PDGFRL: variants seen among roughly 807,000 people sequenced by gnomAD.
PDGFRL encodes platelet derived growth factor receptor like, also known as platelet-derived growth factor receptor-like protein.
Under a neutral mutation model 37.2 loss-of-function variants are expected in PDGFRL, and 46 were observed. That is an observed-to-expected ratio of 1.24 (90% confidence interval 0.98 to 1.58). The LOEUF is 1.58. Ranked by LOEUF, PDGFRL falls within the 40% of genes most tolerant of loss-of-function variation. PDGFRL has a pLI of 0.00. For missense variants in PDGFRL, 692 were observed against 467.6 expected, an observed-to-expected ratio of 1.48 and a Z score of -4.43; for synonymous variants, 251 against 184.3, an observed-to-expected ratio of 1.36 and a Z score of -2.93.
At chr8:17,625,689 T>C (rs1271469189) in intron 3 of PDGFRL, among the ~76,000 whole-genome samples, 1 of 152,166 alleles carries the variant, frequency 6.6e-6, no homozygotes, top group South Asian at 2.1e-4. Flanking sequence ...AAAGTATATA[T>C]TATAGTATAA....
At chr8:17,586,149 T>TTA (rs112947393) in intron 1 of PDGFRL, among the ~76,000 whole-genome samples, 33,557 of 152,092 alleles carry the variant, frequency 0.22, 4,063 homozygotes, top group Non-Finnish European at 0.26. Context: ...AGATGAGGTT[T>TTA]TACTATGTTG....
Position 17,599,833 on chromosome 8 carries a change from G to A in PDGFRL, c.353+10068G>A, listed in dbSNP as rs1321305859. 5.9e-5 allele frequency among the ~76,000 whole-genome samples: 9 copies of A among 152,164 alleles called. No homozygotes were observed. The South Asian group carries it at 6.2e-4, about 11-fold the overall frequency. Reference sequence around the variant, plus strand: ...CCTCCTTCCCTGATCTACCAGTGACGGGAAGAAGGATGAGGATTTTCCCTC... The same window carrying A: ...CCTCCTTCCCTGATCTACCAGTGACAGGAAGAAGGATGAGGATTTTCCCTC... On this transcript the variant is annotated intron_variant, in intron 2 of 5. Transcript: ENST00000251630.
intron 2 of PDGFRL, among the ~76,000 whole-genome samples, chr8:17,611,227 C>T (rs1804405443): frequency 6.6e-6 from 1 of 152,184 alleles, no homozygotes; most frequent in African/African-American, 2.4e-5. Context: ...AGGTCCCTCT[C>T]AGTTCTGAAA....
chr8:17,619,952 T>C (rs977795173), intron 2 of PDGFRL, among the ~76,000 whole-genome samples: 7 of 152,182 alleles, frequency 4.6e-5, no homozygotes, highest in Non-Finnish European at 8.8e-5. Flanking sequence ...CACACACCCA[T>C]TTATCAGAAA....
Position 17,589,731 on chromosome 8 carries a change from G to C in PDGFRL, c.319G>C (p.Ala107Pro), listed in dbSNP as rs1803893971. Residue 107 changes from alanine (A) to proline (P), a missense_variant, in exon 2 of 6, where the codon GCG (alanine) becomes CCG (proline). Ala to Pro is a conservative substitution (Grantham distance 27). Coordinates refer to ENST00000251630, the MANE Select transcript of PDGFRL (RefSeq NM_001372073.1). ...GAGTAGAATTGGGTGGAGCTACCCT[G>C]CGTATCTGGACACCTTTAAGGATTC... ...KGSRIGWSYP[A>P]YLDTFKDSRL... The C allele has an allele frequency of 1.2e-6, 2 of 1,612,520 alleles. No homozygotes were observed. Among genetic ancestry groups the C allele is most frequent in the South Asian group, 1.1e-5 (1 of 91,008 alleles).
At chr8:17,601,178 T>C (rs1190191163) in intron 2 of PDGFRL, among the ~76,000 whole-genome samples, 1 of 152,202 alleles carries the variant, frequency 6.6e-6, no homozygotes, top group East Asian at 1.9e-4. Context: ...TCTTGAATTG[T>C]CCCACTTCTT....
Position 17,634,002 on chromosome 8 carries a change from G to T in PDGFRL, c.800-72G>T, listed in dbSNP as rs570041581. 3 of 1,411,894 alleles carry T rather than the reference G, an allele frequency of 2.1e-6. No individual in the cohort carries two copies. The African/African-American group carries it at 4.2e-5, about 20-fold the overall frequency. The allele number at this position is 1,411,894 out of a possible 1,614,324, so 87.5% of individuals were successfully genotyped here. On this transcript the variant is annotated intron_variant, in intron 4 of 5. Transcript: ENST00000251630. ...AAATTCCATCTCTCTCCATGGAAAA[G>T]AATGCATCTGTAGGTTTGTTTTCAA...
chr8:17,596,445 A>G (rs1461313487), intron 2 of PDGFRL: 2 of 491,116 alleles, frequency 4.1e-6, no homozygotes, highest in Non-Finnish European at 6.4e-6. Flanking sequence ...TTATAAAAAA[A>G]CAGAATTGAT....
chr8:17,634,973 GT>G (rs553160161), intron 5 of PDGFRL, among the ~76,000 whole-genome samples: 6,403 of 117,230 alleles, frequency 0.055, 313 homozygotes, highest in African/African-American at 0.22. Context: ...AAAATAAAAG[GT>G]TTTTTTTTAA....
At chr8:17,594,164 T>C (rs1585304979) in intron 2 of PDGFRL, among the ~76,000 whole-genome samples, 1 of 152,244 alleles carries the variant, frequency 6.6e-6, no homozygotes, top group Non-Finnish European at 1.5e-5. Flanking sequence ...CATGATGTCC[T>C]CAAAGTTCTT....
At chr8:17,635,887 C>T (rs538612805) in intron 5 of PDGFRL, among the ~76,000 whole-genome samples, 13 of 152,148 alleles carry the variant, frequency 8.5e-5, no homozygotes, top group East Asian at 1.9e-4. Flanking sequence ...ATGTTGAGTA[C>T]GTTTTCATAT....
chr8:17,607,030 G>A (rs2129691130), intron 2 of PDGFRL, among the ~76,000 whole-genome samples: 1 of 151,796 alleles, frequency 6.6e-6, no homozygotes, highest in African/African-American at 2.4e-5. Context: ...TGAGTAGCTG[G>A]GATTACAGGT....
At chr8:17,584,756 T>C (rs80045035) in intron 1 of PDGFRL, among the ~76,000 whole-genome samples, 5,421 of 151,424 alleles carry the variant, frequency 0.036, 137 homozygotes, top group Middle Eastern at 0.072. Context: ...ACAGTGGTAG[T>C]GTTACCGGAA....
At chr8:17,638,779 ATATATAT>A (rs1563532538) in intron 5 of PDGFRL, among the ~76,000 whole-genome samples, 42 of 98,074 alleles carry the variant, frequency 4.3e-4, no homozygotes, top group South Asian at 1.7e-3. Context: ...ATATATATAT[ATATATAT>A]AATTGTGATA....
intron 2 of PDGFRL, among the ~76,000 whole-genome samples, chr8:17,593,949 A>G (rs1314945066): frequency 1.3e-5 from 2 of 152,062 alleles, no homozygotes; most frequent in African/African-American, 2.4e-5. Flanking sequence ...TGTTAACTAT[A>G]GGCACATGGT....
chr8:17,610,304 C>T (rs919268068), intron 2 of PDGFRL, among the ~76,000 whole-genome samples: 1 of 152,036 alleles, frequency 6.6e-6, no homozygotes, highest in Non-Finnish European at 1.5e-5. Context: ...ATTAGAATTG[C>T]CAGATTTATA....
chr8:17,577,404 T>A, intron 1 of PDGFRL, 97 bp downstream of exon 1: 1 of 1,072,102 alleles, frequency 9.3e-7, no homozygotes, highest in Non-Finnish European at 1.4e-6. Flanking sequence ...TGGTCTAACG[T>A]TCGGCCCTCG....
chr8:17,642,939 C>G lies in PDGFRL; in HGVS notation c.*138C>G. 1 of 599,124 alleles carries G rather than the reference C, an allele frequency of 1.7e-6. No individual in the cohort carries two copies. The highest frequency in any genetic ancestry group is 2.9e-6 in the Non-Finnish European group (1 of 339,986). 37.1% of individuals were successfully genotyped at this position (599,124 alleles called of 1,614,324 possible). A position where few individuals can be genotyped will look rare whatever the true frequency, so the allele number is the denominator to read the frequency against. On this transcript the variant is annotated 3_prime_UTR_variant, in exon 6 of 6. Coordinates refer to ENST00000251630, the MANE Select transcript of PDGFRL (RefSeq NM_001372073.1). ...AACCCCAGCGTCTCGTGAGTCCGAC[C>G]CAGACATCCAAACTAAAAGGAAGTC...
chr8:17,593,428 A>G (rs1803984532), intron 2 of PDGFRL, among the ~76,000 whole-genome samples: 1 of 40,016 alleles, frequency 2.5e-5, no homozygotes, highest in African/African-American at 4.1e-5. Context: ...CATCTCTACT[A>G]AAAATACGGA....
Sources: gnomAD v4.1 joint callset for allele counts (sites outside exome capture counted in the v4.1 genomes callset) on GRCh38, gnomAD v4.1.1 for gene constraint, MANE v1.5 for transcripts, NCBI Gene and HGNC (gene_info 2026-07-23, HGNC 2026-07-21) for gene names.